Variants in SELENOS observed in about 807,000 individuals in gnomAD.
The protein encoded by SELENOS is VCP interacting membrane selenoprotein.
SELENOS carries 37 observed loss-of-function variants against 30.2 expected under a neutral mutation model. That is an observed-to-expected ratio of 1.23 (90% CI 0.94 to 1.61). SELENOS has a LOEUF of 1.61. Ranked by LOEUF, SELENOS falls within the 40% of genes most tolerant of loss-of-function variation. SELENOS has a pLI of 0.00. For missense variants in SELENOS, 289 were observed against 231.8 expected, an observed-to-expected ratio of 1.25 and a Z score of -1.60; for synonymous variants, 119 against 91.6, an observed-to-expected ratio of 1.30 and a Z score of -1.71.
intron 5 of SELENOS, among the ~76,000 whole-genome samples, chr15:101,273,154 A>G (rs2039288517): frequency 6.6e-6 from 1 of 152,214 alleles, no homozygotes; most frequent in African/African-American, 2.4e-5. Context: ...TGATTTAAGT[A>G]TATGAATCCT....
downstream of SELENOS, chr15:101,271,708 C>G (rs1017878127): frequency 6.6e-6 from 1 of 152,128 alleles, no homozygotes; most frequent in African/African-American, 2.4e-5. Flanking sequence ...ACTTTTGCAG[C>G]GAATTACCCC....
In SELENOS at chr15:101,275,288, C is replaced by T. The variant is rs561296061; in HGVS notation, c.285G>A (p.Ala95=). Residue 95 remains alanine, a synonymous_variant, in exon 3 of 6, where the codon GCG becomes GCA. Coordinates refer to ENST00000526049, the MANE Select transcript of SELENOS (RefSeq NM_018445.6). ...ARLKMQEELN[A]QVEKHKEKLK... ...GTTTTTCCTTATGCTTTTCAACTTG[C>T]GCATTTAGTTCTTCTTGCATTTTCA... 11 of 1,574,334 alleles carry T rather than the reference C, an allele frequency of 7.0e-6. No individual in the cohort carries two copies. The highest frequency in any genetic ancestry group is 6.8e-5 in the East Asian group (3 of 44,044).
Position 101,272,772 on chromosome 15 carries a change from T to C in SELENOS, c.569A>G (p.Ter190=), listed in dbSNP as rs778367348. Residue 190 remains the stop codon, a stop_retained_variant, in exon 6 of 6, where the codon TAA becomes TGA. Transcript: ENST00000526049. ...TCAAAAGTGACACTAACAAGATTCT[T>C]AGCCTCATCCGCCAGATGACGGGCC... ...RRGPSSGGUG[*] 1.2e-6 allele frequency: 2 copies of C among 1,606,472 alleles called. No homozygotes were observed. Among genetic ancestry groups the C allele is most frequent in the South Asian group, 2.2e-5 (2 of 89,142 alleles).
Position 101,277,372 on chromosome 15 carries a change from T to A in SELENOS, c.46A>T (p.Thr16Ser). The A allele has an allele frequency of 6.6e-7, 1 of 1,508,080 alleles. No homozygotes were observed. The highest frequency in any genetic ancestry group is 8.8e-7 in the Non-Finnish European group (1 of 1,136,034). 93.4% of individuals were successfully genotyped at this position (1,508,080 alleles called of 1,614,324 possible). Residue 16 changes from threonine to serine, a missense_variant, in exon 1 of 6, where the codon ACC (threonine) becomes TCC (serine). Coordinates refer to ENST00000526049, the MANE Select transcript of SELENOS (RefSeq NM_018445.6). ...GTGTGCAGGAAGCGCAGCCCCTCGGTCTCCAGGGCCGGCCGCGCGGACAGA... is the reference window on the plus strand; with the variant it reads ...GTGTGCAGGAAGCGCAGCCCCTCGGACTCCAGGGCCGGCCGCGCGGACAGA... ...ESLSARPALE[T>S]EGLRFLHTTV...
intron 4 of SELENOS, 31 bp downstream of exon 4, chr15:101,274,561 C>A: frequency 6.2e-7 from 1 of 1,611,026 alleles, no homozygotes; most frequent in South Asian, 1.1e-5. Flanking sequence ...CTTCATCTAC[C>A]GCATGCCAGC....
rs566724578 is a variant in SELENOS at position 101,277,419 on chromosome 15, ACCGCCGCCG to A, written c.-11_-3del. On this transcript the variant is annotated 5_prime_UTR_variant, in exon 1 of 6. Transcript: ENST00000526049. The stretch of plus-strand genomic sequence containing the variant: ...CAGAGACTCCTCTTGGCGTTCCATG[ACCGCCGCCG>A]CCGCCGCCGCCCAGCCCTGCCGCCG... The A allele has an allele frequency of 2.7e-5, 40 of 1,470,384 alleles. No individual in the cohort carries two copies. The highest frequency in any genetic ancestry group is 8.8e-5 in the East Asian group (3 of 33,944). 91.1% of individuals were successfully genotyped at this position (1,470,384 alleles called of 1,614,324 possible). A position where few individuals can be genotyped will look rare whatever the true frequency, so the allele number is the denominator to read the frequency against.
chr15:101,271,372 G>A (rs1353536125), downstream of SELENOS: 4 of 152,210 alleles, frequency 2.6e-5, no homozygotes, highest in Non-Finnish European at 5.9e-5. Flanking sequence ...GAGGGTCCCA[G>A]GGCTTCCCCA....
At chr15:101,276,371 C>A in intron 2 of SELENOS, 170 bp downstream of exon 2, 1 of 845,334 alleles carries the variant, frequency 1.2e-6, no homozygotes, top group Non-Finnish European at 1.7e-6. Context: ...GCCTCAGCCT[C>A]CTGAGCAGCT....
At position 101,276,514 on chromosome 15, in the gene SELENOS, C is replaced by T. The variant is rs2141298956; in HGVS notation, c.211+27G>A. ...ATATAAAGGAGGTGCAAAACCACCGCTTTCATTTCGGTTATCAGGCACTAA... is the reference window on the plus strand; with the variant it reads ...ATATAAAGGAGGTGCAAAACCACCGTTTTCATTTCGGTTATCAGGCACTAA... On this transcript the variant is annotated intron_variant, in intron 2 of 5. Coordinates refer to ENST00000526049, the MANE Select transcript of SELENOS (RefSeq NM_018445.6). 2.5e-6 allele frequency: 4 copies of T among 1,576,062 alleles called. No individual in the cohort carries two copies. In the East Asian group the frequency reaches 9.0e-5, roughly 36 times the overall value.
intron 1 of SELENOS, chr15:101,277,137 G>T: frequency 1.1e-6 from 1 of 888,496 alleles, no homozygotes. Flanking sequence ...ACAAGGGACA[G>T]CCGAGCCGCC....
At position 101,274,598 on chromosome 15, in the gene SELENOS, C is replaced by A; in HGVS notation, c.402G>T (p.Lys134Asn). The A allele has an allele frequency of 6.2e-7, 1 of 1,613,614 alleles. No individual in the cohort carries two copies. Among genetic ancestry groups the A allele is most frequent in the African/African-American group, 1.3e-5 (1 of 75,024 alleles). The change falls in exon 4 of 6, where the codon AAG (lysine) becomes AAT (asparagine). Residue 134 changes from lysine to asparagine, a missense_variant. Coordinates refer to ENST00000526049, the MANE Select transcript of SELENOS (RefSeq NM_018445.6). ...GGCCGAGGTCTCCAGTCACCTGGGG[C>A]TTCTTTGCATTTCCTTTGTAACTTT... is the stretch of plus-strand genomic sequence containing the variant. ...EGKSYKGNAKKPQEEDSPGPS... is the reference protein window; with the variant it reads ...EGKSYKGNAKNPQEEDSPGPS...
At chr15:101,276,086 C>A (rs1008263727) in intron 2 of SELENOS, among the ~76,000 whole-genome samples, 1 of 151,878 alleles carries the variant, frequency 6.6e-6, no homozygotes, top group Non-Finnish European at 1.5e-5. Context: ...CCACGCCCCA[C>A]TAATATTTGT....
chr15:101,275,193 T>G lies in SELENOS; in HGVS notation c.318+62A>C, dbSNP rs2039310258. 4 of 1,402,126 alleles carry G rather than the reference T, an allele frequency of 2.9e-6. 1 individual carries two copies. The highest frequency in any genetic ancestry group is 2.9e-5 in the African/African-American group (2 of 68,866). 86.9% of individuals were successfully genotyped at this position (1,402,126 alleles called of 1,614,324 possible). ...CTTATAGACAACACAGACACAGGCA[T>G]CGTTAGCCACTAAACCTCAGACAAT... On this transcript the variant is annotated intron_variant, in intron 3 of 5. Coordinates refer to ENST00000526049, the MANE Select transcript of SELENOS (RefSeq NM_018445.6).
chr15:101,276,732 C>T, intron 1 of SELENOS, 57 bp from the exon 2 acceptor site: 2 of 1,565,936 alleles, frequency 1.3e-6, no homozygotes, highest in Non-Finnish European at 1.7e-6. Flanking sequence ...TTGACCTTTC[C>T]ATAAGACTCA....
chr15:101,274,706 A>G (rs1207687026), intron 3 of SELENOS, 25 bp from the exon 4 acceptor site: 1 of 1,595,472 alleles, frequency 6.3e-7, no homozygotes, highest in Non-Finnish European at 8.5e-7. Flanking sequence ...CATTTTACAG[A>G]AAGAATTCAG....
Position 101,277,260 on chromosome 15 carries a change from G to C in SELENOS, c.76+82C>G, listed in dbSNP as rs573134322. The C allele has an allele frequency of 2.7e-5, 41 of 1,521,744 alleles. No homozygotes were observed. In the African/African-American group the frequency reaches 4.6e-4, roughly 17 times the overall value. The allele number at this position is 1,521,744 out of a possible 1,614,324, so 94.3% of individuals were successfully genotyped here. ...CAGGCCTCCCAGGCTCCGGCGCCCGGTGCAGCGGCGGACGACCCACCCATC... is the reference window on the plus strand; with the variant it reads ...CAGGCCTCCCAGGCTCCGGCGCCCGCTGCAGCGGCGGACGACCCACCCATC... On this transcript the variant is annotated intron_variant, in intron 1 of 5. Coordinates refer to ENST00000526049, the MANE Select transcript of SELENOS (RefSeq NM_018445.6).
At chr15:101,271,216 TAA>T (rs2141294879), downstream of SELENOS, 1 of 152,334 alleles carries the variant, frequency 6.6e-6, no homozygotes, top group East Asian at 1.9e-4. Context: ...GGAAGAATGT[TAA>T]AAAGTTTCCT....
At chr15:101,276,804 T>C (rs1431641703) in intron 1 of SELENOS, 129 bp from the exon 2 acceptor site, 1 of 1,119,854 alleles carries the variant, frequency 8.9e-7, no homozygotes, top group Non-Finnish European at 1.2e-6. Flanking sequence ...GGAAAAAGCC[T>C]CCTAAGTAGA....
chr15:101,276,989 TAGAA>T (rs2039335310), intron 1 of SELENOS: 1 of 524,784 alleles, frequency 1.9e-6, no homozygotes. Flanking sequence ...CAGAGCCACA[TAGAA>T]AGGGGTGACA....
Sources: allele counts gnomAD v4.1 joint callset (sites outside exome capture counted in the v4.1 genomes callset), GRCh38; gene constraint gnomAD v4.1.1; transcripts MANE v1.5; gene names NCBI Gene and HGNC (gene_info 2026-07-23, HGNC 2026-07-21).